Variants in SLC17A7 observed in about 807,000 individuals in gnomAD.
SLC17A7 encodes the protein vesicular glutamate transporter 1.
A neutral mutation model predicts 59.1 loss-of-function variants in SLC17A7; 15 were observed. The ratio of observed to expected loss-of-function variants is 0.25; its 90% CI spans 0.17 to 0.39. SLC17A7 has a LOEUF of 0.39. SLC17A7 is among the 10% of genes least tolerant of loss of function. The pLI is 1.00. For synonymous variants in SLC17A7, 353 were observed against 308.9 expected, an observed-to-expected ratio of 1.14 and a Z score of -1.50; for missense variants, 499 against 765.1, an observed-to-expected ratio of 0.65 and a Z score of 4.10.
At position 49,429,863 on chromosome 19, in the gene SLC17A7, C is replaced by T. The variant is rs2078951046; in HGVS notation, c.*656G>A. 3.2e-6 allele frequency: 1 copy of T among 307,904 alleles called. No individual in the cohort carries two copies. The highest frequency in any genetic ancestry group is 6.0e-6 in the Non-Finnish European group (1 of 168,012). 19.1% of individuals were successfully genotyped at this position (307,904 alleles called of 1,614,324 possible). A position where few individuals can be genotyped will look rare whatever the true frequency, so the allele number is the denominator to read the frequency against. ...TTAAAATTGCGATTTTGGTTGTTTC[C>T]CCAGACATTATGCTAAGCTAGGGAG... On this transcript the variant is annotated 3_prime_UTR_variant, in exon 12 of 12. Coordinates refer to ENST00000221485, the MANE Select transcript of SLC17A7 (RefSeq NM_020309.4).
intron 1 of SLC17A7, among the ~76,000 whole-genome samples, chr19:49,439,174 TCCC>T (rs1485595735): frequency 3.3e-5 from 5 of 152,080 alleles, no homozygotes; most frequent in African/African-American, 1.2e-4. Context: ...TCTCTGTCTC[TCCC>T]TCTCTCTCTC....
Position 49,431,764 on chromosome 19 carries a change from C to T in SLC17A7, c.1151-316G>A, listed in dbSNP as rs947296701. 5.4e-5 allele frequency among the ~76,000 whole-genome samples: 8 copies of T among 149,354 alleles called. No individual in the cohort carries two copies. Among genetic ancestry groups the T allele is most frequent in the African/African-American group, 1.2e-4 (5 of 40,272 alleles). On this transcript the variant is annotated intron_variant, in intron 9 of 11. Transcript: ENST00000221485. This position sits in a 1 kb window ranked among gnomAD's most constrained non-coding sequence, Gnocchi z 4.6. Reference sequence around the variant, plus strand: ...GCACGCTCACACCTTCCCCTCAATCCCCACTCATGAGTTTTTGGTTTTTTT... The same window carrying T: ...GCACGCTCACACCTTCCCCTCAATCTCCACTCATGAGTTTTTGGTTTTTTT...
chr19:49,440,495 G>A (rs769668091), intron 1 of SLC17A7, among the ~76,000 whole-genome samples: 6 of 152,202 alleles, frequency 3.9e-5, no homozygotes, highest in Admixed American at 6.5e-5. Context: ...ACCTGGTTGG[G>A]AGGGAGTCCC....
intron 11 of SLC17A7, 39 bp downstream of exon 11, chr19:49,430,976 A>G: frequency 6.3e-7 from 1 of 1,581,946 alleles, no homozygotes; most frequent in Non-Finnish European, 8.6e-7. Context: ...TACGAAGCAC[A>G]CACTTGGAGG....
Position 49,436,404 on chromosome 19 carries a change from G to A in SLC17A7, c.315+145C>T. On this transcript the variant is annotated intron_variant, in intron 2 of 11. Coordinates refer to ENST00000221485, the MANE Select transcript of SLC17A7 (RefSeq NM_020309.4). The surrounding 1 kb of genome is among the most constrained non-coding windows in gnomAD (Gnocchi z 4.1). Reference sequence around the variant, plus strand: ...CCTAAGGCGAGGTCAGAACTAAGGGGCGCACGGATTGGGCGGAGCTATTCC... The same window carrying A: ...CCTAAGGCGAGGTCAGAACTAAGGGACGCACGGATTGGGCGGAGCTATTCC... The A allele has an allele frequency of 1.8e-6, 2 of 1,098,750 alleles. No individual in the cohort carries two copies. The highest frequency in any genetic ancestry group is 3.0e-5 in the South Asian group (2 of 66,616). 68.1% of individuals were successfully genotyped at this position (1,098,750 alleles called of 1,614,324 possible).
At chr19:49,438,636 G>A (rs758985792) in intron 1 of SLC17A7, among the ~76,000 whole-genome samples, 8 of 152,012 alleles carry the variant, frequency 5.3e-5, no homozygotes, top group African/African-American at 1.2e-4. Flanking sequence ...GAGTAGGAAT[G>A]AGACCCCAAG....
rs1014479172 is a variant in SLC17A7 at position 49,432,719 on chromosome 19, T to A, written c.1018-68A>T. The A allele has an allele frequency of 5.0e-6, 8 of 1,605,736 alleles. No homozygotes were observed. In the Admixed American group the frequency reaches 1.3e-4, roughly 27 times the overall value. On this transcript the variant is annotated intron_variant, in intron 8 of 11. Coordinates refer to ENST00000221485, the MANE Select transcript of SLC17A7 (RefSeq NM_020309.4). ...CGGCTCGGCGTCTCTGCCCGGTCCG[T>A]GCACCACCGGCTCCTCCCTGCCTCG...
intron 1 of SLC17A7, among the ~76,000 whole-genome samples, chr19:49,439,909 GC>G (rs35755292): frequency 0.089 from 13,531 of 151,812 alleles, 1,930 homozygotes; most frequent in African/African-American, 0.3. Flanking sequence ...CCACCCCCCA[GC>G]CCCCTCCACC....
rs912220169 is a variant in SLC17A7 at position 49,430,639 on chromosome 19, G to A, written c.1563C>T (p.Asp521=). Reference sequence around the variant, plus strand: ...GCTCAGCCTCATCCTCCATTTCGCTGTCGTCACTGCCAGCCAGCTGGTCAT... The same window carrying A: ...GCTCAGCCTCATCCTCCATTTCGCTATCGTCACTGCCAGCCAGCTGGTCAT... ...VGHDQLAGSD[D]SEMEDEAEPP... Residue 521 remains aspartate, a synonymous_variant, in exon 12 of 12, where the codon GAC becomes GAT. Coordinates refer to ENST00000221485, the MANE Select transcript of SLC17A7 (RefSeq NM_020309.4). 2.5e-6 allele frequency: 4 copies of A among 1,613,974 alleles called. No individual in the cohort carries two copies. The African/African-American group carries it at 5.3e-5, about 22-fold the overall frequency.
At position 49,436,756 on chromosome 19, in the gene SLC17A7, A is replaced by T; in HGVS notation, c.108T>A (p.Ser36Arg). 1 of 1,607,856 alleles carries T rather than the reference A, an allele frequency of 6.2e-7. No homozygotes were observed. Among genetic ancestry groups the T allele is most frequent in the Non-Finnish European group, 8.5e-7 (1 of 1,179,872 alleles). ...GCGTGGTCACCGGGCGCCCATCCGC[A>T]CTCAGCTCCAGCGTCTCCGCGCCTT... ...RQEGAETLELSADGRPVTTQT... is the reference protein window; with the variant it reads ...RQEGAETLELRADGRPVTTQT... The change falls in exon 2 of 12, where the codon AGT becomes AGA. Residue 36 changes from serine to arginine, a missense_variant. Coordinates refer to ENST00000221485, the MANE Select transcript of SLC17A7 (RefSeq NM_020309.4). This position sits in a 1 kb window ranked among gnomAD's most constrained non-coding sequence, Gnocchi z 4.1.
At position 49,433,789 on chromosome 19, in the gene SLC17A7, C is replaced by T; in HGVS notation, c.804G>A (p.Glu268=). 6.2e-7 allele frequency: 1 copy of T among 1,614,084 alleles called. No homozygotes were observed. The highest frequency in any genetic ancestry group is 8.5e-7 in the Non-Finnish European group (1 of 1,179,986). The change falls in exon 7 of 12, where the codon GAG becomes GAA. Residue 268 remains glutamate (E), a synonymous_variant. Coordinates refer to ENST00000221485, the MANE Select transcript of SLC17A7 (RefSeq NM_020309.4). The surrounding 1 kb of genome is among the most constrained non-coding windows in gnomAD (Gnocchi z 5.7). ...CGTCCTCGATGTACTTGCGCTCCTC[C>T]TCCGAGATGCTGGGGTGCAGCGCGG... ...ESPALHPSIS[E]EERKYIEDAI...
chr19:49,437,495 T>TC (rs1313302899), intron 1 of SLC17A7: 3 of 153,588 alleles, frequency 2.0e-5, no homozygotes, highest in African/African-American at 4.8e-5. Context: ...TTTGGAGGGC[T>TC]GCCTCAAACC....
Position 49,432,545 on chromosome 19 carries a change from T to C in SLC17A7, c.1124A>G (p.Asn375Ser). The C allele has an allele frequency of 6.2e-7, 1 of 1,613,532 alleles. No homozygotes were observed. Among genetic ancestry groups the C allele is most frequent in the East Asian group, 2.2e-5 (1 of 44,862 alleles). ...TCCGCAGTTCATCAACTTGCGCACG[T>C]TGGTGGTGGACATGATGCGGCGGCT... Reference protein sequence around the residue: ...LRSRRIMSTTNVRKLMNCGGF... With the variant: ...LRSRRIMSTTSVRKLMNCGGF... Residue 375 changes from asparagine (N) to serine (S), a missense_variant, in exon 9 of 12, where the codon AAC (asparagine) becomes AGC (serine). Around this residue, in one of 3 missense-constraint regions of SLC17A7, gnomAD observed 323 missense variants for 607.2 expected, o/e 0.53. Coordinates refer to ENST00000221485, the MANE Select transcript of SLC17A7 (RefSeq NM_020309.4).
intron 1 of SLC17A7, chr19:49,437,161 T>G: frequency 2.9e-6 from 1 of 346,880 alleles, no homozygotes; most frequent in Non-Finnish European, 5.4e-6. Flanking sequence ...CAGCCGCCTC[T>G]CCCGGATAAG....
At position 49,431,164 on chromosome 19, in the gene SLC17A7, A is replaced by G; in HGVS notation, c.1262-22T>C. On this transcript the variant is annotated intron_variant, in intron 10 of 11. Transcript: ENST00000221485. This position sits in a 1 kb window ranked among gnomAD's most constrained non-coding sequence, Gnocchi z 4.6. ...AACCCTGGCGGAGAGACAAGTCGGA[A>G]GGCGTCACACCGGAATCTCACTCGA... 6 of 1,608,454 alleles carry G rather than the reference A, an allele frequency of 3.7e-6. No homozygotes were observed. Among genetic ancestry groups the G allele is most frequent in the Non-Finnish European group, 5.1e-6 (6 of 1,176,632 alleles).
At chr19:49,430,940 A>G in intron 11 of SLC17A7, 75 bp downstream of exon 11, 1 of 1,557,382 alleles carries the variant, frequency 6.4e-7, no homozygotes, top group East Asian at 2.3e-5. Flanking sequence ...CACCCCAGAG[A>G]CAGTGCCACC....
In SLC17A7 at chr19:49,436,579, C is replaced by G. The variant is rs2078980559; in HGVS notation, c.285G>C (p.Thr95=). ...CCACCACGTGGCCCCCGCGGTGGGTCGTGCTGTTATTGACCATGGAGACGA... is the reference window on the plus strand; with the variant it reads ...CCACCACGTGGCCCCCGCGGTGGGTGGTGCTGTTATTGACCATGGAGACGA... ...VAIVSMVNNS[T]THRGGHVVVQ... The change falls in exon 2 of 12, where the codon ACG becomes ACC. Residue 95 remains threonine (T), a synonymous_variant. Coordinates refer to ENST00000221485, the MANE Select transcript of SLC17A7 (RefSeq NM_020309.4). This position sits in a 1 kb window ranked among gnomAD's most constrained non-coding sequence, Gnocchi z 4.1. 6.2e-7 allele frequency: 1 copy of G among 1,613,732 alleles called. No homozygotes were observed. The highest frequency in any genetic ancestry group is 8.5e-7 in the Non-Finnish European group (1 of 1,179,962).
chr19:49,432,084 A>C (rs2078962838), intron 9 of SLC17A7, among the ~76,000 whole-genome samples: 1 of 152,096 alleles, frequency 6.6e-6, no homozygotes, highest in Non-Finnish European at 1.5e-5. Flanking sequence ...CAGCCTCCCA[A>C]GTAGATGGGA....
In SLC17A7 at chr19:49,430,663, A is replaced by C; in HGVS notation, c.1539T>G (p.His513Gln). 6.2e-7 allele frequency: 1 copy of C among 1,614,094 alleles called. No homozygotes were observed. The highest frequency in any genetic ancestry group is 8.5e-7 in the Non-Finnish European group (1 of 1,179,992). Residue 513 changes from histidine (H) to glutamine (Q), a missense_variant, in exon 12 of 12, where the codon CAT becomes CAG. This residue lies in a region of SLC17A7 where 98 missense variants were observed against 77.5 expected (regional missense o/e 1.27). Transcript: ENST00000221485. ...MSEEKCGFVG[H>Q]DQLAGSDDSE... ...TGTCGTCACTGCCAGCCAGCTGGTCATGGCCAACGAAGCCACACTTCTCCT... is the reference window on the plus strand; with the variant it reads ...TGTCGTCACTGCCAGCCAGCTGGTCCTGGCCAACGAAGCCACACTTCTCCT...
Sources: allele counts gnomAD v4.1 joint callset (sites outside exome capture counted in the v4.1 genomes callset), GRCh38; gene constraint gnomAD v4.1.1; regional missense constraint gnomAD v4.1.1; non-coding constraint Gnocchi (gnomAD v3.1); transcripts MANE v1.5; gene names NCBI Gene and HGNC (gene_info 2026-07-23, HGNC 2026-07-21).